The following RORA variants were observed in gnomAD, a reference collection of about 807,000 sequenced individuals.
The protein encoded by RORA is RAR related orphan receptor A, also known as nuclear receptor ROR-alpha.
Under a neutral mutation model 69.5 loss-of-function variants are expected in RORA, and 7 were observed. The ratio of observed to expected loss-of-function variants is 0.10; its 90% CI spans 0.06 to 0.19. The LOEUF (loss-of-function observed/expected upper bound fraction) is 0.19. Among genes scored for constraint, RORA ranks in the 10% least tolerant of loss-of-function variants. The pLI is 1.00. For missense variants in RORA, 457 were observed against 663.0 expected (o/e 0.69, Z 3.41); for synonymous variants, 261 against 240.8 (o/e 1.08, Z -0.78).
chr15:60,782,192 T>C (rs1348777692), intron 1 of RORA, among the ~76,000 whole-genome samples: 2 of 151,784 alleles, frequency 1.3e-5, no homozygotes, highest in Non-Finnish European at 2.9e-5. Flanking sequence ...GCCACTGCAC[T>C]CCAGACTGGC....
Position 60,534,279 on chromosome 15 carries a change from G to A in RORA, c.197-2428C>T, listed in dbSNP as rs1257510921. On this transcript the variant is annotated intron_variant, in intron 2 of 10. Transcript: ENST00000335670. This position sits in a 1 kb window ranked among gnomAD's most constrained non-coding sequence, Gnocchi z 5.0. ...TTGGAATGGCTCATGTCCTGGCAGG[G>A]GTGAGGGTAGGGGTGCGGGTGGGGA... is the stretch of plus-strand genomic sequence containing the variant. 1.3e-5 allele frequency among the ~76,000 whole-genome samples: 2 copies of A among 152,152 alleles called. No individual in the cohort carries two copies. Among genetic ancestry groups the A allele is most frequent in the Non-Finnish European group, 2.9e-5 (2 of 68,028 alleles).
chr15:60,954,261 G>A (rs1893198439), intron 1 of RORA, among the ~76,000 whole-genome samples: 1 of 132,532 alleles, frequency 7.5e-6, no homozygotes, highest in Non-Finnish European at 1.6e-5. Flanking sequence ...ATGGACACAG[G>A]AAGGGGAATA....
chr15:60,605,576 A>G (rs982270355), intron 2 of RORA, among the ~76,000 whole-genome samples: 1 of 152,204 alleles, frequency 6.6e-6, no homozygotes, highest in Non-Finnish European at 1.5e-5. Context: ...TTCTTACAAA[A>G]TTACGATGAT....
At chr15:60,935,480 C>A (rs1892494318) in intron 1 of RORA, among the ~76,000 whole-genome samples, 1 of 152,178 alleles carries the variant, frequency 6.6e-6, no homozygotes, top group Admixed American at 6.5e-5. Flanking sequence ...AAAAATAGAA[C>A]ATGAATATGT....
intron 2 of RORA, among the ~76,000 whole-genome samples, chr15:60,549,303 G>T (rs1286779040): frequency 6.6e-6 from 1 of 152,226 alleles, no homozygotes. Flanking sequence ...TAGCGAGCAA[G>T]TGTTGGAAAG....
intron 1 of RORA, among the ~76,000 whole-genome samples, chr15:60,884,562 G>A (rs186068445): frequency 6.6e-6 from 1 of 152,126 alleles, no homozygotes; most frequent in Admixed American, 6.5e-5. Context: ...AAGAATCTGA[G>A]GGAAAAAAAT....
intron 1 of RORA, among the ~76,000 whole-genome samples, chr15:60,864,252 A>G (rs1336372648): frequency 6.6e-6 from 1 of 152,232 alleles, no homozygotes; most frequent in East Asian, 1.9e-4. Context: ...GAGACAAAAC[A>G]ATTACTCTGT....
intron 1 of RORA, among the ~76,000 whole-genome samples, chr15:60,855,806 G>A (rs760878055): frequency 4.6e-5 from 7 of 152,164 alleles, no homozygotes; most frequent in African/African-American, 9.6e-5. Context: ...CAGTAGAGAC[G>A]GGGTTTCACC....
chr15:60,505,745 A>T (rs1031658264), intron 5 of RORA, 116 bp from the exon 6 acceptor site: 20 of 1,181,162 alleles, frequency 1.7e-5, no homozygotes, highest in Non-Finnish European at 2.4e-5. Flanking sequence ...GCGAGTTTTG[A>T]CTGTCTTTAC....
chr15:60,547,472 G>A (rs562277919), intron 2 of RORA, among the ~76,000 whole-genome samples: 62 of 151,910 alleles, frequency 4.1e-4, no homozygotes, highest in Middle Eastern at 3.4e-3. Context: ...GATTACAGGC[G>A]CCCACCACCA....
intron 2 of RORA, among the ~76,000 whole-genome samples, chr15:60,587,979 T>C (rs1448054232): frequency 6.6e-6 from 1 of 152,164 alleles, no homozygotes; most frequent in Non-Finnish European, 1.5e-5. Context: ...TACTGACGGA[T>C]AGAAAAAGCT....
At chr15:61,187,430 T>G (rs1270530798) in intron 1 of RORA, among the ~76,000 whole-genome samples, 1 of 152,058 alleles carries the variant, frequency 6.6e-6, no homozygotes, top group Non-Finnish European at 1.5e-5. Flanking sequence ...ATCCACCAAT[T>G]TTAATTATCA....
Position 61,213,321 on chromosome 15 carries a change from A to G in RORA, c.166+15732T>C, listed in dbSNP as rs1196378575. Reference sequence around the variant, plus strand: ...ATATCAGTCACCAGAATTATTACAGAATCTCCTAACTTGGTTCCTTGTCTC... The same window carrying G: ...ATATCAGTCACCAGAATTATTACAGGATCTCCTAACTTGGTTCCTTGTCTC... On this transcript the variant is annotated intron_variant, in intron 1 of 10. Coordinates refer to ENST00000335670, the MANE Select transcript of RORA (RefSeq NM_134261.3). This position sits in a 1 kb window ranked among gnomAD's most constrained non-coding sequence, Gnocchi z 4.1. Among the ~76,000 whole-genome samples, 1 of 152,154 alleles carries G rather than the reference A, an allele frequency of 6.6e-6. No individual in the cohort carries two copies. Among genetic ancestry groups the G allele is most frequent in the African/African-American group, 2.4e-5 (1 of 41,424 alleles).
In RORA at chr15:61,031,140, C is replaced by T. The variant is rs190411669; in HGVS notation, c.166+197913G>A. Among the ~76,000 whole-genome samples the T allele has an allele frequency of 1.4e-3, 210 of 152,136 alleles. 5 individuals carry two copies. Among genetic ancestry groups the T allele is most frequent in the Admixed American group, 1.0e-2 (152 of 15,266 alleles). ...CAGTAGAAAGGGGTAAGAGAAACAA[C>T]GGCATAAAAATATCAAATCCAAAAG... On this transcript the variant is annotated intron_variant, in intron 1 of 10. Transcript: ENST00000335670.
intron 3 of RORA, among the ~76,000 whole-genome samples, chr15:60,527,409 C>T (rs1405635678): frequency 6.6e-6 from 1 of 152,216 alleles, no homozygotes; most frequent in East Asian, 1.9e-4. Flanking sequence ...TTTTTATTCA[C>T]TTTGAAGATT....
chr15:60,803,162 C>A (rs557315392), intron 1 of RORA, among the ~76,000 whole-genome samples: 2 of 152,314 alleles, frequency 1.3e-5, no homozygotes, highest in East Asian at 3.9e-4. Context: ...GTGCCTATAG[C>A]AATTTATCAT....
intron 1 of RORA, among the ~76,000 whole-genome samples, chr15:60,976,784 A>G (rs1566930896): frequency 6.6e-6 from 1 of 152,314 alleles, no homozygotes; most frequent in East Asian, 1.9e-4. Context: ...CAGGGATTGC[A>G]GGGGCTTCCC....
At chr15:60,975,220 G>T (rs569224474) in intron 1 of RORA, among the ~76,000 whole-genome samples, 2 of 152,316 alleles carry the variant, frequency 1.3e-5, no homozygotes, top group East Asian at 1.9e-4. Flanking sequence ...GGAGCAAGTC[G>T]CCTGGGCAGG....
At chr15:60,975,058 G>T (rs941539482) in intron 1 of RORA, among the ~76,000 whole-genome samples, 1 of 152,186 alleles carries the variant, frequency 6.6e-6, no homozygotes, top group African/African-American at 2.4e-5. Flanking sequence ...AATGGGAGGG[G>T]AGCTGAGAGG....
Sources: gnomAD v4.1 joint callset for allele counts (sites outside exome capture counted in the v4.1 genomes callset) on GRCh38, gnomAD v4.1.1 for gene constraint, Gnocchi (gnomAD v3.1) non-coding constraint, MANE v1.5 for transcripts, NCBI Gene and HGNC (gene_info 2026-07-23, HGNC 2026-07-21) for gene names.